ATXN7L1: variants seen among roughly 807,000 people sequenced by gnomAD.
ATXN7L1 encodes the protein ataxin 7 like 1, also known as ataxin-7-like protein 1.
ATXN7L1 carries 15 observed loss-of-function variants against 70.8 expected under a neutral mutation model. That is an observed-to-expected ratio of 0.21 (90% CI 0.14 to 0.33). The LOEUF is 0.33. ATXN7L1 is among the 10% of genes least tolerant of loss of function. The pLI is 1.00. For missense variants in ATXN7L1, 975 were observed against 1,097.1 expected (o/e 0.89, Z 1.57); for synonymous variants, 440 against 445.1 (o/e 0.99, Z 0.14).
intron 3 of ATXN7L1, among the ~76,000 whole-genome samples, chr7:105,770,161 T>C (rs941957915): frequency 6.6e-6 from 1 of 152,214 alleles, no homozygotes; most frequent in Non-Finnish European, 1.5e-5. Flanking sequence ...CTTTAAAAAC[T>C]TACGGCAAAA....
chr7:105,653,003 A>G (rs551127691), intron 4 of ATXN7L1, among the ~76,000 whole-genome samples: 1 of 152,302 alleles, frequency 6.6e-6, no homozygotes, highest in East Asian at 1.9e-4. Flanking sequence ...ACCTCCATCC[A>G]GAAAACAAAG....
rs1792694816 is a variant in ATXN7L1 at position 105,605,042 on chromosome 7, C to CTTTGTTTTT, written c.*2809_*2810insAAAAACAAA. ...GAAGGCATACAAGTTATCCAAGTCG[C>CTTTGTTTTT]TTTTTTTTTTTTTTTTTTTTTTTTA... is the stretch of plus-strand genomic sequence containing the variant. On this transcript the variant is annotated 3_prime_UTR_variant, in exon 12 of 12. Coordinates refer to ENST00000419735, the MANE Select transcript of ATXN7L1 (RefSeq NM_020725.2). 1 of 71,556 alleles carries CTTTGTTTTT rather than the reference C, an allele frequency of 1.4e-5. No homozygotes were observed. The highest frequency in any genetic ancestry group is 2.5e-5 in the Non-Finnish European group (1 of 40,348). 4.4% of individuals were successfully genotyped at this position (71,556 alleles called of 1,614,324 possible).
intron 2 of ATXN7L1, among the ~76,000 whole-genome samples, chr7:105,799,084 C>A (rs1806416819): frequency 6.6e-6 from 1 of 152,246 alleles, no homozygotes; most frequent in Non-Finnish European, 1.5e-5. Flanking sequence ...TGTCCCAACA[C>A]AGCATTCTGA....
intron 3 of ATXN7L1, among the ~76,000 whole-genome samples, chr7:105,668,258 A>G (rs900473583): frequency 1.3e-5 from 2 of 151,928 alleles, no homozygotes; most frequent in Non-Finnish European, 2.9e-5. Context: ...TTTGAGACAG[A>G]AAAAAAACTC....
At chr7:105,850,559 A>T (rs1438763984) in intron 2 of ATXN7L1, among the ~76,000 whole-genome samples, 2 of 152,254 alleles carry the variant, frequency 1.3e-5, no homozygotes, top group Non-Finnish European at 2.9e-5. Flanking sequence ...GAGAGGTTAT[A>T]GGACTTTCCT....
intron 4 of ATXN7L1, among the ~76,000 whole-genome samples, chr7:105,648,625 CCCGCGTGTG>C (rs1170394833): frequency 2.6e-5 from 4 of 152,252 alleles, no homozygotes. Flanking sequence ...ACACACAGAT[CCCGCGTGTG>C]CCTATGCTGC....
chr7:105,823,667 C>CA (rs1244183440), intron 2 of ATXN7L1, among the ~76,000 whole-genome samples: 1 of 152,152 alleles, frequency 6.6e-6, no homozygotes, highest in Non-Finnish European at 1.5e-5. Flanking sequence ...TTGACCAAGA[C>CA]ACCCCTAAAA....
rs1491359668 is a variant in ATXN7L1, at chr7:105,854,959, T to TTC, written c.250+20852_250+20853insGA. ...GGAACTTTCTCTTTTCTTCTTCTTC[T>TTC]TTTTTTTTTTTTTTGAGATGGAGTC... On this transcript the variant is annotated intron_variant, in intron 2 of 11. Transcript: ENST00000419735. Among the ~76,000 whole-genome samples the TTC allele has an allele frequency of 8.7e-4, 12 of 13,806 alleles. No homozygotes were observed. The Admixed American group carries it at 0.013, about 14-fold the overall frequency. The allele number at this position is 13,806 out of a possible 152,430, so 9.1% of individuals were successfully genotyped here. A position where few individuals can be genotyped will look rare whatever the true frequency, so the allele number is the denominator to read the frequency against.
chr7:105,720,956 C>T (rs544947873), intron 3 of ATXN7L1, among the ~76,000 whole-genome samples: 48 of 152,306 alleles, frequency 3.2e-4, no homozygotes, highest in African/African-American at 1.1e-3. Flanking sequence ...TCTCTTCAGA[C>T]CTCGGGCTGT....
At chr7:105,616,293 G>A (rs866343604) in intron 9 of ATXN7L1, among the ~76,000 whole-genome samples, 1 of 152,166 alleles carries the variant, frequency 6.6e-6, no homozygotes, top group Non-Finnish European at 1.5e-5. Context: ...TCAGGACCAG[G>A]TGCCAGCGAA....
In ATXN7L1 at chr7:105,713,686, G is replaced by A. The variant is rs572206544; in HGVS notation, c.356-48398C>T. 1.4e-4 allele frequency among the ~76,000 whole-genome samples: 21 copies of A among 152,350 alleles called. No homozygotes were observed. The South Asian group carries it at 3.9e-3, about 29-fold the overall frequency. ...GGACTCCGCAGGTTGGCTGGCTCAG[G>A]GCACCCATGGCATGCTGCCAACCTG... On this transcript the variant is annotated intron_variant, in intron 3 of 11. Coordinates refer to ENST00000419735, the MANE Select transcript of ATXN7L1 (RefSeq NM_020725.2).
At chr7:105,776,729 G>C (rs971898745) in intron 3 of ATXN7L1, among the ~76,000 whole-genome samples, 2 of 152,132 alleles carry the variant, frequency 1.3e-5, no homozygotes, top group African/African-American at 4.8e-5. Context: ...ATTTGGGATT[G>C]GAGGAGTGCT....
chr7:105,848,592 A>C (rs765431041), intron 2 of ATXN7L1, among the ~76,000 whole-genome samples: 120 of 152,234 alleles, frequency 7.9e-4, no homozygotes, highest in Non-Finnish European at 1.5e-3. Context: ...ACATAATACA[A>C]AATTATCCCA....
intron 3 of ATXN7L1, among the ~76,000 whole-genome samples, chr7:105,680,173 C>T (rs1805347190): frequency 6.6e-6 from 1 of 152,004 alleles, no homozygotes; most frequent in Admixed American, 6.6e-5. Flanking sequence ...GGGGAGACAG[C>T]ACTCCCTCAC....
intron 4 of ATXN7L1, among the ~76,000 whole-genome samples, chr7:105,655,269 C>T (rs1800438136): frequency 3.9e-5 from 6 of 152,334 alleles, no homozygotes; most frequent in African/African-American, 1.4e-4. Flanking sequence ...ACACTCTGCC[C>T]CCAGCCGCAG....
chr7:105,664,004 A>T (rs896884307), intron 4 of ATXN7L1, among the ~76,000 whole-genome samples: 1 of 152,130 alleles, frequency 6.6e-6, no homozygotes. Flanking sequence ...TCCTGACCTC[A>T]AGTGATCTGC....
chr7:105,853,625 G>A lies in ATXN7L1; in HGVS notation c.250+22187C>T, dbSNP rs565641378. 7.0e-4 allele frequency among the ~76,000 whole-genome samples: 106 copies of A among 151,810 alleles called. No homozygotes were observed. In the Middle Eastern group the frequency reaches 0.017, roughly 25 times the overall value. On this transcript the variant is annotated intron_variant, in intron 2 of 11. Transcript: ENST00000419735. ...AAAGCCCCACAAAAATGAGCTGGGC[G>A]TGGTGGTGGGCGCCTGTAATCCCAG...
chr7:105,727,746 GTATATATA>G (rs1232202676), intron 3 of ATXN7L1, among the ~76,000 whole-genome samples: 25 of 55,340 alleles, frequency 4.5e-4, no homozygotes, highest in East Asian at 2.8e-3. Flanking sequence ...GTGTATGTGT[GTATATATA>G]TATATATATA....
At chr7:105,693,641 T>A (rs1414902005) in intron 3 of ATXN7L1, among the ~76,000 whole-genome samples, 7 of 152,034 alleles carry the variant, frequency 4.6e-5, no homozygotes. Context: ...GGGAAAGTAA[T>A]GAGTAAGTAG....
Sources: gnomAD v4.1 joint callset for allele counts (sites outside exome capture counted in the v4.1 genomes callset) on GRCh38, gnomAD v4.1.1 for gene constraint, MANE v1.5 for transcripts, NCBI Gene and HGNC (gene_info 2026-07-23, HGNC 2026-07-21) for gene names.